ITGAL: variants seen among roughly 807,000 people sequenced by gnomAD.
ITGAL encodes the protein integrin alpha-L.
A neutral mutation model predicts 138.4 loss-of-function variants in ITGAL; 68 were observed. That is an observed-to-expected ratio of 0.49 (90% CI 0.40 to 0.60). ITGAL has a LOEUF of 0.60. Ranked by LOEUF, ITGAL falls within the 20% of genes least tolerant of loss-of-function variation. ITGAL has a pLI of 0.00. For missense variants in ITGAL, 1,256 were observed against 1,478.6 expected (o/e 0.85, Z 2.47); for synonymous variants, 561 against 584.3 (o/e 0.96, Z 0.57).
rs758411593 is a variant in ITGAL at position 30,474,278 on chromosome 16, C to T, written c.144C>T (p.Arg48=). 6.2e-7 allele frequency: 1 copy of T among 1,607,316 alleles called. No individual in the cohort carries two copies. Among genetic ancestry groups the T allele is most frequent in the East Asian group, 2.2e-5 (1 of 44,572 alleles). The change falls in exon 2 of 31, where the codon CGC becomes CGT. Residue 48 remains arginine, a synonymous_variant. Transcript: ENST00000356798. The stretch of plus-strand genomic sequence containing the variant: ...GCGCCGGGAGGCACTTTGGATACCG[C>T]GTCCTGCAGGTCGGAAACGGGTGAG... ...PPRAGRHFGY[R]VLQVGNGVIV... is the part of the protein sequence containing the mutation.
intron 9 of ITGAL, among the ~76,000 whole-genome samples, chr16:30,487,726 G>A (rs1022814263): frequency 1.5e-5 from 2 of 132,290 alleles, no homozygotes; most frequent in African/African-American, 5.8e-5. Flanking sequence ...TTTTTTTCAA[G>A]ACAGAGTTTC....
chr16:30,497,911 T>C (rs1352890281), intron 15 of ITGAL, among the ~76,000 whole-genome samples: 3 of 151,076 alleles, frequency 2.0e-5, no homozygotes, highest in Admixed American at 2.0e-4. Context: ...CATGCCACTG[T>C]ACTCCAGCCT....
intron 9 of ITGAL, among the ~76,000 whole-genome samples, chr16:30,484,498 C>T (rs994721839): frequency 6.6e-6 from 1 of 151,684 alleles, no homozygotes; most frequent in African/African-American, 2.4e-5. Flanking sequence ...AATCCCACTA[C>T]TCAGGAGGCT....
At position 30,521,699 on chromosome 16, in the gene ITGAL, T is replaced by C; in HGVS notation, c.*34T>C. Reference sequence around the variant, plus strand: ...CTGTGAGGTGCAGAGTGCCCAGAACTGGACTCAGGATGCCCAGGGCCACTC... The same window carrying C: ...CTGTGAGGTGCAGAGTGCCCAGAACCGGACTCAGGATGCCCAGGGCCACTC... On this transcript the variant is annotated 3_prime_UTR_variant, in exon 31 of 31. Transcript: ENST00000356798. 1.3e-6 allele frequency: 2 copies of C among 1,598,098 alleles called. No homozygotes were observed. Among genetic ancestry groups the C allele is most frequent in the Non-Finnish European group, 1.7e-6 (2 of 1,170,642 alleles).
chr16:30,499,630 C>A, intron 17 of ITGAL, 141 bp downstream of exon 17: 2 of 573,750 alleles, frequency 3.5e-6, no homozygotes, highest in East Asian at 3.0e-5. Context: ...TAATAACACC[C>A]TTAGCATATT....
At chr16:30,499,699 G>GTA (rs1288948571) in intron 17 of ITGAL, 60 of 99,748 alleles carry the variant, frequency 6.0e-4, no homozygotes, top group East Asian at 5.0e-3. Flanking sequence ...ATATATATGT[G>GTA]TATATATATA....
chr16:30,495,323 C>G (rs1411468202), intron 13 of ITGAL, among the ~76,000 whole-genome samples: 1 of 152,110 alleles, frequency 6.6e-6, no homozygotes, highest in Admixed American at 6.6e-5. Flanking sequence ...CCACACCCAG[C>G]TAATTTTTGT....
Position 30,496,342 on chromosome 16 carries a change from G to T in ITGAL, c.1701+48G>T, listed in dbSNP as rs1043866118. On this transcript the variant is annotated intron_variant, in intron 14 of 30. Transcript: ENST00000356798. ...CACACTCCATTCTCAGGTGCCCTAA[G>T]CCCCCAAGCCCAGACCCCACTCCCC... The T allele has an allele frequency of 9.3e-6, 15 of 1,605,306 alleles. No individual in the cohort carries two copies. In the African/African-American group the frequency reaches 1.9e-4, roughly 20 times the overall value.
intron 13 of ITGAL, among the ~76,000 whole-genome samples, chr16:30,495,818 C>A (rs567299444): frequency 6.6e-6 from 1 of 151,906 alleles, no homozygotes; most frequent in Admixed American, 6.6e-5. Context: ...CACTGCACTC[C>A]AGCCTGTGCG....
rs36172285 is a variant in ITGAL, at chr16:30,499,663, T to TTATA, written c.2145+182_2145+185dup. On this transcript the variant is annotated intron_variant, in intron 17 of 30. Coordinates refer to ENST00000356798, the MANE Select transcript of ITGAL (RefSeq NM_002209.3). The stretch of plus-strand genomic sequence containing the variant: ...ATTTTCTTCTAGTGTTTTTTTTAAA[T>TTATA]TATATATATATGTGTATATATATGT... 2.9e-4 allele frequency: 70 copies of TTATA among 243,752 alleles called. 1 individual carries two copies. Among genetic ancestry groups the TTATA allele is most frequent in the South Asian group, 1.5e-3 (29 of 18,752 alleles). The allele number at this position is 243,752 out of a possible 1,614,324, so 15.1% of individuals were successfully genotyped here.
At chr16:30,482,521 TTGA>T (rs762558764) in intron 7 of ITGAL, among the ~76,000 whole-genome samples, 23 of 151,866 alleles carry the variant, frequency 1.5e-4, no homozygotes, top group Non-Finnish European at 2.8e-4. Context: ...GGCTGCAGGG[TTGA>T]TATTAGACTG....
At chr16:30,483,680 A>C (rs2050591145) in intron 7 of ITGAL, 147 bp from the exon 8 acceptor site, 4 of 785,266 alleles carry the variant, frequency 5.1e-6, no homozygotes, top group Non-Finnish European at 8.0e-6. Context: ...TTTAGAGGTG[A>C]CTGCTGCAGG....
intron 21 of ITGAL, 151 bp downstream of exon 21, chr16:30,507,007 C>T: frequency 1.2e-6 from 1 of 807,072 alleles, no homozygotes; most frequent in Non-Finnish European, 2.0e-6. Flanking sequence ...CAGCCTCGAG[C>T]TGTATGATCC....
At chr16:30,508,339 G>C (rs970667924) in intron 21 of ITGAL, among the ~76,000 whole-genome samples, 127 of 149,708 alleles carry the variant, frequency 8.5e-4, no homozygotes, top group Admixed American at 8.5e-3. Context: ...TCAGCCTCCC[G>C]AGTAGCTGGG....
At chr16:30,512,595 A>G (rs1236714982) in intron 24 of ITGAL, among the ~76,000 whole-genome samples, 4 of 151,936 alleles carry the variant, frequency 2.6e-5, no homozygotes, top group Non-Finnish European at 5.9e-5. Flanking sequence ...TGAAAAAAAA[A>G]AAAAAGGAAA....
intron 17 of ITGAL, among the ~76,000 whole-genome samples, chr16:30,500,237 C>T (rs1240876339): frequency 6.6e-6 from 1 of 151,224 alleles, no homozygotes; most frequent in Non-Finnish European, 1.5e-5. Context: ...AGGTGCATGC[C>T]ACCATGCCCA....
At chr16:30,499,733 A>ATATGTATATATATATATATATATAT in intron 17 of ITGAL, among the ~76,000 whole-genome samples, 1 of 88,386 alleles carries the variant, frequency 1.1e-5, no homozygotes, top group African/African-American at 6.0e-5. Context: ...ATATATATAT[A>ATATGTATATATATATATATATATAT]TTTTTTTTTT....
chr16:30,488,911 G>A (rs2050684669), intron 9 of ITGAL, 171 bp from the exon 10 acceptor site: 1 of 623,236 alleles, frequency 1.6e-6, no homozygotes, highest in Non-Finnish European at 2.9e-6. Flanking sequence ...GGACTCCCAG[G>A]GTAAAAGCCA....
intron 13 of ITGAL, among the ~76,000 whole-genome samples, chr16:30,495,078 G>A (rs961624830): frequency 6.6e-6 from 1 of 152,196 alleles, no homozygotes; most frequent in African/African-American, 2.4e-5. Flanking sequence ...AGGCTAGAGT[G>A]CAGTGGCACG....
Sources: allele counts gnomAD v4.1 joint callset (sites outside exome capture counted in the v4.1 genomes callset), GRCh38; gene constraint gnomAD v4.1.1; transcripts MANE v1.5; gene names NCBI Gene and HGNC (gene_info 2026-07-23, HGNC 2026-07-21).